MAPK12: variants seen among roughly 807,000 people sequenced by gnomAD.
MAPK12 encodes the protein MAP kinase 12.
MAPK12 carries 49 observed loss-of-function variants against 49.1 expected under a neutral mutation model. That is an observed-to-expected ratio of 1.00 (90% confidence interval 0.79 to 1.27). The LOEUF (loss-of-function observed/expected upper bound fraction) is 1.27, where lower values mean the gene tolerates loss of function less well. Among genes scored for constraint, MAPK12 ranks in the 50% most tolerant of loss-of-function variants. MAPK12 has a pLI of 0.00. For missense variants in MAPK12, 554 were observed against 502.4 expected (o/e 1.10, Z -0.98); for synonymous variants, 251 against 209.7 (o/e 1.20, Z -1.70).
Position 50,257,137 on chromosome 22 carries a change from T to G in MAPK12, c.371A>C (p.Lys124Thr). The G allele has an allele frequency of 6.2e-7, 1 of 1,612,914 alleles. No individual in the cohort carries two copies. Among genetic ancestry groups the G allele is most frequent in the Non-Finnish European group, 8.5e-7 (1 of 1,179,946 alleles). ...GAACTGGATCCGGTCCTCGCCTAGC[T>G]TCTCATGTTTCATGAGCTTGCCCAG... The part of the protein sequence containing the change: ...TDLGKLMKHE[K>T]LGEDRIQFLV... Residue 124 changes from lysine (K) to threonine (T), a missense_variant, in exon 4 of 12, where the codon AAG becomes ACG. Physicochemically the swap from Lys to Thr is moderately conservative, Grantham distance 78 (BLOSUM62 -1). Coordinates refer to ENST00000215659, the MANE Select transcript of MAPK12 (RefSeq NM_002969.6).
intron 2 of MAPK12, among the ~76,000 whole-genome samples, chr22:50,259,479 C>T (rs2147261409): frequency 6.6e-6 from 1 of 152,274 alleles, no homozygotes; most frequent in South Asian, 2.1e-4. Flanking sequence ...CTTCAGTCTC[C>T]CAGGAAGATG....
Position 50,261,607 on chromosome 22 carries a change from G to T in MAPK12, c.-98C>A, listed in dbSNP as rs866686764. The T allele has an allele frequency of 5.0e-6, 5 of 1,004,440 alleles. No individual in the cohort carries two copies. The highest frequency in any genetic ancestry group is 4.7e-6 in the Non-Finnish European group (4 of 843,904). 62.2% of individuals were successfully genotyped at this position (1,004,440 alleles called of 1,614,324 possible). ...GGCGCGCGCCTCGGGCCGGCTCCGC[G>T]CCGCTCGTCCGCTCGCCCGCCCGCC... On this transcript the variant is annotated 5_prime_UTR_variant, in exon 1 of 12. Coordinates refer to ENST00000215659, the MANE Select transcript of MAPK12 (RefSeq NM_002969.6).
intron 5 of MAPK12, 75 bp from the exon 6 acceptor site, chr22:50,256,721 C>T: frequency 6.5e-7 from 1 of 1,545,760 alleles, no homozygotes; most frequent in Non-Finnish European, 8.7e-7. Flanking sequence ...TGGGTGGCAC[C>T]TAAAGATGGG....
chr22:50,258,119 G>T, intron 3 of MAPK12, 124 bp downstream of exon 3: 1 of 880,226 alleles, frequency 1.1e-6, no homozygotes, highest in Non-Finnish European at 1.9e-6. Flanking sequence ...GAGGGGGTGG[G>T]CGGTGTGCAT....
chr22:50,255,577 C>T (rs376157415), intron 9 of MAPK12, 38 bp downstream of exon 9: 35 of 1,605,740 alleles, frequency 2.2e-5, no homozygotes, highest in Non-Finnish European at 2.7e-5. Context: ...GGCCCAGGTC[C>T]GCCCCCACCC....
rs761424358 is a variant in MAPK12, at chr22:50,261,252, T to G, written c.170A>C (p.Lys57Thr). The G allele has an allele frequency of 6.4e-7, 1 of 1,568,502 alleles. No individual in the cohort carries two copies. Among genetic ancestry groups the G allele is most frequent in the East Asian group, 2.4e-5 (1 of 40,890 alleles). Residue 57 changes from lysine to threonine, a missense_variant, in exon 2 of 12, where the codon AAG becomes ACG. Physicochemically the swap from Lys to Thr is moderately conservative, Grantham distance 78. Coordinates refer to ENST00000215659, the MANE Select transcript of MAPK12 (RefSeq NM_002969.6). ...GRTGAKVAIK[K>T]LYRPFQSELF... ...CTCGGACTGGAAAGGCCGATACAGCTTCTTGATGGCCACCTTAGCGCCGGT... is the reference window on the plus strand; with the variant it reads ...CTCGGACTGGAAAGGCCGATACAGCGTCTTGATGGCCACCTTAGCGCCGGT...
intron 1 of MAPK12, 38 bp from the exon 2 acceptor site, chr22:50,261,334 C>T: frequency 8.3e-7 from 1 of 1,202,142 alleles, no homozygotes. Context: ...GCCGGGCACC[C>T]CGCGCAGGCC....
rs2065154750 is a variant in MAPK12, at chr22:50,256,777, G to A, written c.457-131C>T. The stretch of plus-strand genomic sequence containing the variant: ...TGCTCTCTGCAGCCCTTCAAGGGCA[G>A]ACCAAGGTACCTGGGCACCCAGGCA... On this transcript the variant is annotated intron_variant, in intron 5 of 11. Transcript: ENST00000215659. 20 of 1,512,404 alleles carry A rather than the reference G, an allele frequency of 1.3e-5. No homozygotes were observed. In the East Asian group the frequency reaches 4.2e-4, roughly 32 times the overall value. 93.7% of individuals were successfully genotyped at this position (1,512,404 alleles called of 1,614,324 possible). A position where few individuals can be genotyped will look rare whatever the true frequency, so the allele number is the denominator to read the frequency against.
intron 11 of MAPK12, 37 bp from the exon 12 acceptor site, chr22:50,253,517 G>A: frequency 1.1e-6 from 1 of 950,276 alleles, no homozygotes; most frequent in Non-Finnish European, 1.7e-6. Context: ...ACAGAGAGGG[G>A]GGTCAGCCTT....
Position 50,255,690 on chromosome 22 carries a change from C to G in MAPK12, c.696G>C (p.Leu232=), listed in dbSNP as rs1175865982. Residue 232 remains leucine (L), a synonymous_variant, in exon 9 of 12, where the codon CTG becomes CTC. Coordinates refer to ENST00000215659, the MANE Select transcript of MAPK12 (RefSeq NM_002969.6). ...GKTLFKGSDH[L]DQLKEIMKVT... is the part of the protein sequence containing the mutation. ...CCTTCATGATCTCCTTCAGCTGGTC[C>G]AGGTCTGCACCGAGGTCAGGAACAC... 6.2e-7 allele frequency: 1 copy of G among 1,610,038 alleles called. No homozygotes were observed. The highest frequency in any genetic ancestry group is 8.5e-7 in the Non-Finnish European group (1 of 1,179,958).
At chr22:50,256,543 C>A in intron 6 of MAPK12, 56 bp downstream of exon 6, 1 of 1,577,954 alleles carries the variant, frequency 6.3e-7, no homozygotes, top group South Asian at 1.2e-5. Context: ...GATAGATGGG[C>A]AGATCCAGAG....
At chr22:50,254,878 G>T in intron 11 of MAPK12, 2 of 1,242,886 alleles carry the variant, frequency 1.6e-6, no homozygotes, top group Non-Finnish European at 2.0e-6. Context: ...GCCAGCCTCT[G>T]TGCTGAGCCT....
In MAPK12 at chr22:50,261,206, G is replaced by A. The variant is rs1456485975; in HGVS notation, c.216C>T (p.Tyr72=). 6.9e-6 allele frequency: 11 copies of A among 1,591,968 alleles called. No homozygotes were observed. Among genetic ancestry groups the A allele is most frequent in the Admixed American group, 1.7e-5 (1 of 58,380 alleles). The part of the protein sequence containing the change: ...FQSELFAKRA[Y]RELRLLKHMR... ...TGTGCTTGAGCAGGCGCAGCTCGCG[G>A]TAGGCGCGCTTGGCGAACAGCTCGG... is the stretch of plus-strand genomic sequence containing the variant. Residue 72 remains tyrosine (Y), a synonymous_variant, in exon 2 of 12, where the codon TAC becomes TAT. Transcript: ENST00000215659.
In MAPK12 at chr22:50,257,038, C is replaced by A. The variant is rs552764221; in HGVS notation, c.426+44G>T. On this transcript the variant is annotated intron_variant, in intron 4 of 11. Transcript: ENST00000215659. The stretch of plus-strand genomic sequence containing the variant: ...CACAGGGCCCTCCTCTGCCCAGCCC[C>A]GAGGCCCTGCCTGCCTCCCTGCAGC... 9 of 1,604,504 alleles carry A rather than the reference C, an allele frequency of 5.6e-6. No homozygotes were observed. In the South Asian group the frequency reaches 9.9e-5, roughly 18 times the overall value.
At chr22:50,259,693 C>G (rs1364964378) in intron 2 of MAPK12, among the ~76,000 whole-genome samples, 1 of 151,922 alleles carries the variant, frequency 6.6e-6, no homozygotes, top group African/African-American at 2.4e-5. Context: ...GACCAGTCTG[C>G]CCAACATAGT....
chr22:50,261,642 C>T lies in MAPK12; in HGVS notation c.-133G>A. On this transcript the variant is annotated 5_prime_UTR_variant, in exon 1 of 12. Coordinates refer to ENST00000215659, the MANE Select transcript of MAPK12 (RefSeq NM_002969.6). The stretch of plus-strand genomic sequence containing the variant: ...CGCTCGCCCGCCCGCCCGCCGGCCG[C>T]TGGGGCGCTCCCGCTCCCGGCCCTT... The T allele has an allele frequency of 1.1e-6, 1 of 951,226 alleles. No individual in the cohort carries two copies. The highest frequency in any genetic ancestry group is 1.3e-6 in the Non-Finnish European group (1 of 797,100). The allele number at this position is 951,226 out of a possible 1,614,324, so 58.9% of individuals were successfully genotyped here. A position where few individuals can be genotyped will look rare whatever the true frequency, so the allele number is the denominator to read the frequency against.
chr22:50,259,237 A>G (rs1178927549), intron 2 of MAPK12, among the ~76,000 whole-genome samples: 2 of 152,070 alleles, frequency 1.3e-5, no homozygotes, highest in African/African-American at 2.4e-5. Flanking sequence ...GAGGAGAGGG[A>G]ACAGAGGGGG....
In MAPK12 at chr22:50,255,847, C is replaced by T; in HGVS notation, c.654G>A (p.Glu218=). The change falls in exon 8 of 12, where the codon GAG becomes GAA. Residue 218 remains glutamate, a synonymous_variant. Transcript: ENST00000215659. ...TGAACAGCGTCTTGCCTGTGATCAT[C>T]TCCGCCATGATGCAGCCCACAGACC... ...DIWSVGCIMA[E]MITGKTLFKG... is the part of the protein sequence containing the mutation. 6.2e-7 allele frequency: 1 copy of T among 1,612,784 alleles called. No homozygotes were observed. Among genetic ancestry groups the T allele is most frequent in the African/African-American group, 1.3e-5 (1 of 75,056 alleles).
In MAPK12 at chr22:50,257,140, T is replaced by C. The variant is rs1415407698; in HGVS notation, c.368A>G (p.Glu123Gly). 3.1e-6 allele frequency: 5 copies of C among 1,612,894 alleles called. No homozygotes were observed. The highest frequency in any genetic ancestry group is 4.2e-6 in the Non-Finnish European group (5 of 1,179,944). Residue 123 changes from glutamate (E) to glycine (G), a missense_variant, in exon 4 of 12, where the codon GAG (glutamate) becomes GGG (glycine). Physicochemically the swap from Glu to Gly is moderately conservative, Grantham distance 98. Transcript: ENST00000215659. Reference protein sequence around the residue: ...GTDLGKLMKHEKLGEDRIQFL... With the variant: ...GTDLGKLMKHGKLGEDRIQFL... ...CTGGATCCGGTCCTCGCCTAGCTTC[T>C]CATGTTTCATGAGCTTGCCCAGGTC...
Sources: gnomAD v4.1 joint callset for allele counts (sites outside exome capture counted in the v4.1 genomes callset) on GRCh38, gnomAD v4.1.1 for gene constraint, MANE v1.5 for transcripts, NCBI Gene and HGNC (gene_info 2026-07-23, HGNC 2026-07-21) for gene names.